SLC45A1: variants seen among roughly 807,000 people sequenced by gnomAD.
SLC45A1 encodes the protein proton-associated sugar transporter A.
In SLC45A1, 28 loss-of-function variants were observed where a neutral mutation model predicts 57.6. That is an observed-to-expected ratio of 0.49 (90% CI 0.36 to 0.67). The LOEUF (loss-of-function observed/expected upper bound fraction) is 0.67. Among genes scored for constraint, SLC45A1 ranks in the 30% least tolerant of loss-of-function variants. The probability of loss-of-function intolerance (pLI) is 0.00; values close to 1 mark genes in which losing one functional copy is unlikely to be tolerated. For missense variants in SLC45A1, 814 were observed against 1,041.5 expected, an observed-to-expected ratio of 0.78 and a Z score of 3.01; for synonymous variants, 459 against 471.5, an observed-to-expected ratio of 0.97 and a Z score of 0.34.
intron 7 of SLC45A1, among the ~76,000 whole-genome samples, chr1:8,338,755 T>C (rs7537649): frequency 0.45 from 68,034 of 152,202 alleles, 16,887 homozygotes; most frequent in Middle Eastern, 0.67. Flanking sequence ...AAAATATTCA[T>C]CTTTTTTTGG....
rs1023066186 is a variant in SLC45A1, at chr1:8,318,172, C to A, written c.-39C>A. ...GCCCAGCGGGGACAGGGATGCCTGC[C>A]GTCTCCACCCACAGGTACCACCGTC... On this transcript the variant is annotated 5_prime_UTR_variant, in exon 1 of 9. Coordinates refer to ENST00000471889, the MANE Select transcript of SLC45A1 (RefSeq NM_001080397.3). The A allele has an allele frequency of 4.5e-6, 2 of 444,080 alleles. No homozygotes were observed. The highest frequency in any genetic ancestry group is 8.3e-6 in the Non-Finnish European group (2 of 242,292). 27.5% of individuals were successfully genotyped at this position (444,080 alleles called of 1,614,324 possible). A position where few individuals can be genotyped will look rare whatever the true frequency, so the allele number is the denominator to read the frequency against.
intron 5 of SLC45A1, among the ~76,000 whole-genome samples, chr1:8,334,629 G>A (rs1047823400): frequency 6.6e-6 from 1 of 152,098 alleles, no homozygotes; most frequent in Non-Finnish European, 1.5e-5. Flanking sequence ...CTTGAGCCCA[G>A]GAGGTCGAGG....
intron 4 of SLC45A1, among the ~76,000 whole-genome samples, chr1:8,329,019 T>C (rs1640288894): frequency 6.6e-6 from 1 of 151,982 alleles, no homozygotes; most frequent in East Asian, 1.9e-4. Context: ...GACTCCCAAG[T>C]CTAGAAGAAC....
intron 7 of SLC45A1, among the ~76,000 whole-genome samples, chr1:8,339,226 G>A (rs955322269): frequency 3.3e-5 from 5 of 152,210 alleles, no homozygotes; most frequent in African/African-American, 4.8e-5. Context: ...AGCCCTGGGG[G>A]ACCTGGCCCG....
In SLC45A1 at chr1:8,337,667, C is replaced by A. The variant is rs539215948; in HGVS notation, c.1598-149C>A. 1.5e-5 allele frequency: 10 copies of A among 653,070 alleles called. No homozygotes were observed. The South Asian group carries it at 1.7e-4, about 11-fold the overall frequency. The allele number at this position is 653,070 out of a possible 1,614,324, so 40.5% of individuals were successfully genotyped here. A position where few individuals can be genotyped will look rare whatever the true frequency, so the allele number is the denominator to read the frequency against. On this transcript the variant is annotated intron_variant, in intron 6 of 8. Coordinates refer to ENST00000471889, the MANE Select transcript of SLC45A1 (RefSeq NM_001080397.3). ...TTTCCTGACCCTGTGATCCGCCCGC[C>A]TCAGCCTCCCAAAGTGCTGGGATTA...
At chr1:8,342,827 A>ATCACTTGAGCTCAGGG (rs59005659) in intron 8 of SLC45A1, among the ~76,000 whole-genome samples, 1 of 149,750 alleles carries the variant, frequency 6.7e-6, no homozygotes, top group East Asian at 2.0e-4. Context: ...TGAGCCCAGG[A>ATCACTTGAGCTCAGGG]GGCTGAGGCT....
chr1:8,335,285 G>A lies in SLC45A1; in HGVS notation c.1444-152G>A, dbSNP rs367792288. 172 of 717,078 alleles carry A rather than the reference G, an allele frequency of 2.4e-4. No individual in the cohort carries two copies. The highest frequency in any genetic ancestry group is 2.0e-3 in the African/African-American group (108 of 54,758). The allele number at this position is 717,078 out of a possible 1,614,324, so 44.4% of individuals were successfully genotyped here. A position where few individuals can be genotyped will look rare whatever the true frequency, so the allele number is the denominator to read the frequency against. On this transcript the variant is annotated intron_variant, in intron 5 of 8. Coordinates refer to ENST00000471889, the MANE Select transcript of SLC45A1 (RefSeq NM_001080397.3). This position sits in a 1 kb window ranked among gnomAD's most constrained non-coding sequence, Gnocchi z 4.1. ...CTGAATTTGTTCCTCTGAGGTTGGC[G>A]TCGACACGGGGCTCATGCCGTCAGA...
chr1:8,319,864 T>G (rs576946828), intron 1 of SLC45A1, among the ~76,000 whole-genome samples: 2 of 152,020 alleles, frequency 1.3e-5, no homozygotes, highest in East Asian at 1.9e-4. Flanking sequence ...TTACAGGCAC[T>G]CGCCACCATG....
chr1:8,342,141 A>G (rs1421143418), intron 8 of SLC45A1, among the ~76,000 whole-genome samples: 1 of 152,140 alleles, frequency 6.6e-6, no homozygotes, highest in Non-Finnish European at 1.5e-5. Flanking sequence ...CGGGAGGCGG[A>G]GCTTGCAGTG....
chr1:8,343,613 A>G lies in SLC45A1; in HGVS notation c.1981-134A>G. ...AAACTCTTGGCTGAACTCCCTGTGC[A>G]TGTTGGCGCTGAAAAATGTGAGGCC... On this transcript the variant is annotated intron_variant, in intron 8 of 8. Transcript: ENST00000471889. This position sits in a 1 kb window ranked among gnomAD's most constrained non-coding sequence, Gnocchi z 7.7. 3 of 848,886 alleles carry G rather than the reference A, an allele frequency of 3.5e-6. No individual in the cohort carries two copies. Among genetic ancestry groups the G allele is most frequent in the Non-Finnish European group, 5.5e-6 (3 of 545,828 alleles). 52.6% of individuals were successfully genotyped at this position (848,886 alleles called of 1,614,324 possible). A position where few individuals can be genotyped will look rare whatever the true frequency, so the allele number is the denominator to read the frequency against.
rs765692834 is a variant in SLC45A1, at chr1:8,343,806, G to A, written c.2040G>A (p.Leu680=). ...GCATGGGCGTGGACATCTCTCTGCT[G>A]AGCTGCCAGTACTTCCTGGCTCAGA... ...RRGMGVDISL[L]SCQYFLAQIL... Residue 680 remains leucine (L), a synonymous_variant, in exon 9 of 9, where the codon CTG becomes CTA. Transcript: ENST00000471889. The surrounding 1 kb of genome is among the most constrained non-coding windows in gnomAD (Gnocchi z 7.7). 1 of 1,614,166 alleles carries A rather than the reference G, an allele frequency of 6.2e-7. No individual in the cohort carries two copies.
At chr1:8,320,529 A>G (rs892978374) in intron 1 of SLC45A1, among the ~76,000 whole-genome samples, 1 of 152,080 alleles carries the variant, frequency 6.6e-6, no homozygotes, top group Non-Finnish European at 1.5e-5. Context: ...CTGTAGTTCC[A>G]GCTATTTGGG....
intron 6 of SLC45A1, among the ~76,000 whole-genome samples, chr1:8,336,380 A>G (rs190496534): frequency 2.0e-5 from 3 of 151,474 alleles, no homozygotes; most frequent in Admixed American, 6.6e-5. Flanking sequence ...ACTGCATTCC[A>G]GCGTGGGTGA....
Position 8,319,275 on chromosome 1 carries a change from G to A in SLC45A1, c.-25+1089G>A, listed in dbSNP as rs114415009. 6.5e-3 allele frequency among the ~76,000 whole-genome samples: 996 copies of A among 152,324 alleles called. 6 individuals carry two copies. Among genetic ancestry groups the A allele is most frequent in the African/African-American group, 0.022 (932 of 41,582 alleles). On this transcript the variant is annotated intron_variant, in intron 1 of 8. Coordinates refer to ENST00000471889, the MANE Select transcript of SLC45A1 (RefSeq NM_001080397.3). ...AGTCTGGGCGATAGAGTGAGACTCCGTCTCAAATAAACAAATAAGCAAATA... is the reference window on the plus strand; with the variant it reads ...AGTCTGGGCGATAGAGTGAGACTCCATCTCAAATAAACAAATAAGCAAATA...
At chr1:8,318,783 G>A (rs1373620359) in intron 1 of SLC45A1, among the ~76,000 whole-genome samples, 3 of 152,210 alleles carry the variant, frequency 2.0e-5, no homozygotes, top group Admixed American at 6.5e-5. Context: ...CAGAGTCAGG[G>A]GCGGAGGAAA....
chr1:8,320,692 TACACACACACACACACACACAC>T (rs57414432), intron 1 of SLC45A1, among the ~76,000 whole-genome samples: 3 of 101,224 alleles, frequency 3.0e-5, no homozygotes, highest in Non-Finnish European at 4.4e-5. Context: ...TCTCTCTCTC[TACACACACACACACACACACAC>T]ACACACACAC....
chr1:8,330,868 A>G lies in SLC45A1; in HGVS notation c.1375A>G (p.Ile459Val), dbSNP rs1168428725. 1 of 1,608,576 alleles carries G rather than the reference A, an allele frequency of 6.2e-7. No individual in the cohort carries two copies. Among genetic ancestry groups the G allele is most frequent in the Admixed American group, 1.7e-5 (1 of 59,884 alleles). Reference sequence around the variant, plus strand: ...TCTGAAGAGACCTCAGACCTTGGCCATCCCGGACGCAGCCGGAGGAGGGGG... The same window carrying G: ...TCTGAAGAGACCTCAGACCTTGGCCGTCCCGGACGCAGCCGGAGGAGGGGG... Reference protein sequence around the residue: ...GILKRPQTLAIPDAAGGGGPE... With the variant: ...GILKRPQTLAVPDAAGGGGPE... The change falls in exon 5 of 9, where the codon ATC becomes GTC. Residue 459 changes from isoleucine to valine, a missense_variant. Coordinates refer to ENST00000471889, the MANE Select transcript of SLC45A1 (RefSeq NM_001080397.3). This position sits in a 1 kb window ranked among gnomAD's most constrained non-coding sequence, Gnocchi z 8.4.
chr1:8,330,268 G>C lies in SLC45A1; in HGVS notation c.775G>C (p.Gly259Arg), dbSNP rs770516473. 6.2e-7 allele frequency: 1 copy of C among 1,613,772 alleles called. No individual in the cohort carries two copies. The highest frequency in any genetic ancestry group is 8.5e-7 in the Non-Finnish European group (1 of 1,179,994). ...GGIHWDKTGF[G>R]RALGGQLRVI... ...AATCCACTGGGATAAAACGGGCTTC[G>C]GGAGGGCCCTGGGGGGACAGCTCCG... The change falls in exon 5 of 9, where the codon GGG (glycine) becomes CGG (arginine). Residue 259 changes from glycine to arginine, a missense_variant. Transcript: ENST00000471889. This position sits in a 1 kb window ranked among gnomAD's most constrained non-coding sequence, Gnocchi z 8.4.
intron 8 of SLC45A1, among the ~76,000 whole-genome samples, chr1:8,342,827 A>ATCACTTGAGCCCAGGG (rs59005659): frequency 0.4 from 60,096 of 149,742 alleles, 12,915 homozygotes; most frequent in South Asian, 0.54. Flanking sequence ...TGAGCCCAGG[A>ATCACTTGAGCCCAGGG]GGCTGAGGCT....
Sources: gnomAD v4.1 joint callset for allele counts (sites outside exome capture counted in the v4.1 genomes callset) on GRCh38, gnomAD v4.1.1 for gene constraint, Gnocchi (gnomAD v3.1) non-coding constraint, MANE v1.5 for transcripts, NCBI Gene and HGNC (gene_info 2026-07-23, HGNC 2026-07-21) for gene names.